SCUBE2: variants seen among roughly 807,000 people sequenced by gnomAD.
SCUBE2 encodes signal peptide, CUB domain and EGF like domain containing 2.
In SCUBE2, 114 loss-of-function variants were observed where a neutral mutation model predicts 125.9. The ratio of observed to expected loss-of-function variants is 0.91; its 90% confidence interval spans 0.78 to 1.06. SCUBE2 has a LOEUF of 1.06. Among genes scored for constraint, SCUBE2 ranks in the 50% least tolerant of loss-of-function variants. The pLI is 0.00. For synonymous variants in SCUBE2, 459 were observed against 492.9 expected (o/e 0.93, Z 0.91); for missense variants, 1,255 against 1,301.8 (o/e 0.96, Z 0.55).
At chr11:9,053,990 CTTTT>C (rs11474890) in intron 10 of SCUBE2, among the ~76,000 whole-genome samples, 1 of 75,062 alleles carries the variant, frequency 1.3e-5, no homozygotes, top group Non-Finnish European at 2.4e-5. Flanking sequence ...AAGCTCCACT[CTTTT>C]TTTTTTTTTT....
chr11:9,090,469 T>TTTTATTTA (rs1554902877), intron 1 of SCUBE2: 11 of 56,898 alleles, frequency 1.9e-4, no homozygotes, highest in South Asian at 5.1e-4. Context: ...TTATGAGATT[T>TTTTATTTA]TTTTTTTATT....
rs1235265720 is a variant in SCUBE2 at position 9,047,841 on chromosome 11, T to A, written c.1795+102A>T. The A allele has an allele frequency of 2.2e-6, 3 of 1,341,812 alleles. No individual in the cohort carries two copies. The Admixed American group carries it at 6.7e-5, about 30-fold the overall frequency. The allele number at this position is 1,341,812 out of a possible 1,614,324, so 83.1% of individuals were successfully genotyped here. A position where few individuals can be genotyped will look rare whatever the true frequency, so the allele number is the denominator to read the frequency against. ...TGAAAAAAAACAGGAGATACTTCAG[T>A]GTTTGCATTACTTTTCCCCCAAGAA... On this transcript the variant is annotated intron_variant, in intron 15 of 22. Transcript: ENST00000649792.
chr11:9,046,001 C>CTTTTTTTTTTTTTTTTTT (rs58572754), intron 16 of SCUBE2, among the ~76,000 whole-genome samples: 1 of 92,040 alleles, frequency 1.1e-5, no homozygotes, highest in Non-Finnish European at 2.2e-5. Context: ...GTCTTTCTTT[C>CTTTTTTTTTTTTTTTTTT]TTTTTTTTTT....
chr11:9,020,981 G>A lies in SCUBE2; in HGVS notation c.*64C>T. 10 of 1,477,894 alleles carry A rather than the reference G, an allele frequency of 6.8e-6. No individual in the cohort carries two copies. Among genetic ancestry groups the A allele is most frequent in the South Asian group, 1.4e-5 (1 of 72,596 alleles). 91.5% of individuals were successfully genotyped at this position (1,477,894 alleles called of 1,614,324 possible). A position where few individuals can be genotyped will look rare whatever the true frequency, so the allele number is the denominator to read the frequency against. On this transcript the variant is annotated 3_prime_UTR_variant, in exon 23 of 23. Transcript: ENST00000649792. ...ACCCGACTGTGCTGACATGCAGAAG[G>A]AAGACAGCTCTGTCCCACCAACCCT...
At chr11:9,057,370 A>C (rs907273819) in intron 9 of SCUBE2, 2 of 152,234 alleles carry the variant, frequency 1.3e-5, no homozygotes, top group Admixed American at 1.3e-4. Flanking sequence ...AGAGGAATAT[A>C]CTTGAACTGC....
At chr11:9,056,774 G>A (rs1215783195) in intron 9 of SCUBE2, among the ~76,000 whole-genome samples, 4 of 152,136 alleles carry the variant, frequency 2.6e-5, no homozygotes, top group African/African-American at 2.4e-5. Context: ...ACATAGTTAC[G>A]ACTTGTGTCT....
At position 9,050,681 on chromosome 11, in the gene SCUBE2, A is replaced by G. The variant is rs144162225; in HGVS notation, c.1564T>C (p.Phe522Leu). 1 of 1,614,204 alleles carries G rather than the reference A, an allele frequency of 6.2e-7. No individual in the cohort carries two copies. The highest frequency in any genetic ancestry group is 1.1e-5 in the South Asian group (1 of 91,086). ...DVTTIRTSVT[F>L]KLNEGKCSLK... is the part of the protein sequence containing the mutation. ...CTACACTTGCCTTCATTTAGCTTAA[A>G]GGTTACACTTGTCCTGATGGTGGTG... Residue 522 changes from phenylalanine to leucine, a missense_variant, in exon 14 of 23, where the codon TTT becomes CTT. By Grantham distance (22) the Phe-to-Leu change is conservative. Transcript: ENST00000649792.
At chr11:9,053,360 C>T (rs1267723783) in intron 11 of SCUBE2, 145 bp from the exon 12 acceptor site, 2 of 769,084 alleles carry the variant, frequency 2.6e-6, no homozygotes, top group African/African-American at 3.5e-5. Context: ...GGCCTTATTC[C>T]CACCAAGGGA....
chr11:9,030,335 G>A (rs1856196047), intron 18 of SCUBE2: 3 of 475,248 alleles, frequency 6.3e-6, no homozygotes, highest in South Asian at 2.4e-5. Flanking sequence ...TGCAGAGCAC[G>A]TCTGTGAGTA....
intron 10 of SCUBE2, among the ~76,000 whole-genome samples, chr11:9,054,815 A>G (rs1858917197): frequency 7.3e-6 from 1 of 136,170 alleles, no homozygotes; most frequent in Non-Finnish European, 1.5e-5. Flanking sequence ...GGCTCACTGC[A>G]ACCTCCACCT....
chr11:9,027,476 C>T lies in SCUBE2; in HGVS notation c.2589G>A (p.Glu863=). Residue 863 remains glutamate (E), a synonymous_variant, in exon 20 of 23, where the codon GAG becomes GAA. Transcript: ENST00000649792. ...NYPGNYPANT[E]CTWTINPPPK... Reference sequence around the variant, plus strand: ...GGGGTGGGTTGATGGTCCACGTACACTCGGTGTTGGCTGGGTAATTGCCTG... The same window carrying T: ...GGGGTGGGTTGATGGTCCACGTACATTCGGTGTTGGCTGGGTAATTGCCTG... The T allele has an allele frequency of 6.2e-7, 1 of 1,614,132 alleles. No homozygotes were observed. The highest frequency in any genetic ancestry group is 8.5e-7 in the Non-Finnish European group (1 of 1,180,020).
rs1271103208 is a variant in SCUBE2, at chr11:9,089,703, T to C, written c.256+4A>G. 1 of 1,613,264 alleles carries C rather than the reference T, an allele frequency of 6.2e-7. No homozygotes were observed. Among genetic ancestry groups the C allele is most frequent in the South Asian group, 1.1e-5 (1 of 90,930 alleles). On this transcript the variant is annotated splice_donor_region_variant and intron_variant, in intron 2 of 22. Coordinates refer to ENST00000649792, the MANE Select transcript of SCUBE2 (RefSeq NM_001367977.2). Reference sequence around the variant, plus strand: ...TCCCCCCACATGGTCCCCAAGGCACTTACCCTCACACTGCCTGCCTTCCCC... The same window carrying C: ...TCCCCCCACATGGTCCCCAAGGCACCTACCCTCACACTGCCTGCCTTCCCC...
At chr11:9,067,785 AAC>A (rs1860390096) in intron 5 of SCUBE2, among the ~76,000 whole-genome samples, 1 of 152,244 alleles carries the variant, frequency 6.6e-6, no homozygotes, top group Non-Finnish European at 1.5e-5. Context: ...AAAAGTTAAT[AAC>A]AGAACAATAT....
intron 4 of SCUBE2, 61 bp from the exon 5 acceptor site, chr11:9,069,556 G>A: frequency 6.2e-7 from 1 of 1,606,046 alleles, no homozygotes; most frequent in Non-Finnish European, 8.5e-7. Context: ...AGCCCTGGGA[G>A]AGCGGCAAAG....
At chr11:9,068,388 T>G (rs1196932781) in intron 5 of SCUBE2, among the ~76,000 whole-genome samples, 2 of 152,176 alleles carry the variant, frequency 1.3e-5, no homozygotes, top group Non-Finnish European at 1.5e-5. Flanking sequence ...GGCCACCCAT[T>G]TACCCACTCA....
chr11:9,065,783 T>C, intron 7 of SCUBE2, 108 bp downstream of exon 7: 1 of 870,846 alleles, frequency 1.1e-6, no homozygotes, highest in Non-Finnish European at 1.9e-6. Context: ...CTCACCCCAG[T>C]CCAGCTGGTC....
At chr11:9,078,714 G>T (rs1861397948) in intron 3 of SCUBE2, among the ~76,000 whole-genome samples, 1 of 152,200 alleles carries the variant, frequency 6.6e-6, no homozygotes, top group Admixed American at 6.5e-5. Context: ...ACTAATACCA[G>T]CCTTAAAAAG....
chr11:9,083,220 A>G (rs1177004863), intron 2 of SCUBE2, among the ~76,000 whole-genome samples: 2 of 152,114 alleles, frequency 1.3e-5, no homozygotes, highest in Non-Finnish European at 1.5e-5. Flanking sequence ...GGAATACGAA[A>G]AGAAACAAAT....
chr11:9,044,943 C>T (rs1449864083), intron 16 of SCUBE2, among the ~76,000 whole-genome samples: 2 of 152,200 alleles, frequency 1.3e-5, no homozygotes. Context: ...CCTCATCCCT[C>T]ACCCCTCACC....
Sources: allele counts gnomAD v4.1 joint callset (sites outside exome capture counted in the v4.1 genomes callset), GRCh38; gene constraint gnomAD v4.1.1; transcripts MANE v1.5; gene names NCBI Gene and HGNC (gene_info 2026-07-23, HGNC 2026-07-21).